MYO6: variants seen among roughly 807,000 people sequenced by gnomAD.
MYO6 encodes myosin VI, also known as unconventional myosin-VI.
Under a neutral mutation model 178.7 loss-of-function variants are expected in MYO6, and 74 were observed. The ratio of observed to expected loss-of-function variants is 0.41; its 90% CI spans 0.34 to 0.50. The LOEUF (loss-of-function observed/expected upper bound fraction) is 0.50, where lower values mean the gene tolerates loss of function less well. MYO6 is among the 20% of genes least tolerant of loss of function. The pLI, the probability that MYO6 is intolerant of heterozygous loss-of-function variation, is 0.09. For synonymous variants in MYO6, 477 were observed against 504.6 expected (o/e 0.95, Z 0.73); for missense variants, 1,330 against 1,547.4 (o/e 0.86, Z 2.36).
chr6:75,797,013 G>A (rs1768915138), intron 1 of MYO6, among the ~76,000 whole-genome samples: 1 of 152,150 alleles, frequency 6.6e-6, no homozygotes, highest in Admixed American at 6.6e-5. Context: ...TTGATTCCAT[G>A]TCTGTTGTGA....
intron 16 of MYO6, 147 bp downstream of exon 16, chr6:75,862,870 TTAGA>T: frequency 3.3e-6 from 3 of 920,020 alleles, no homozygotes; most frequent in Non-Finnish European, 5.1e-6. Flanking sequence ...AGTATCTTCC[TTAGA>T]TGGATGGATA....
At chr6:75,815,213 C>G (rs527238455) in intron 1 of MYO6, among the ~76,000 whole-genome samples, 2 of 152,220 alleles carry the variant, frequency 1.3e-5, no homozygotes, top group African/African-American at 4.8e-5. Flanking sequence ...GGAGGTAAAG[C>G]TGACAACATT....
At chr6:75,899,792 A>T (rs1465118224) in intron 30 of MYO6, among the ~76,000 whole-genome samples, 1 of 150,058 alleles carries the variant, frequency 6.7e-6, no homozygotes, top group East Asian at 2.0e-4. Flanking sequence ...TGTGCAGGTT[A>T]GTTACATATG....
chr6:75,754,247 G>A (rs906343873), intron 1 of MYO6, among the ~76,000 whole-genome samples: 1 of 152,126 alleles, frequency 6.6e-6, no homozygotes, highest in Non-Finnish European at 1.5e-5. Context: ...TGGCTGGGGC[G>A]TGGTGGCTCA....
At chr6:75,791,697 G>A (rs899553802) in intron 1 of MYO6, among the ~76,000 whole-genome samples, 5 of 152,188 alleles carry the variant, frequency 3.3e-5, no homozygotes, top group African/African-American at 1.2e-4. Context: ...TTGAATACTT[G>A]TGAAGCAGAA....
intron 1 of MYO6, among the ~76,000 whole-genome samples, chr6:75,765,951 C>T (rs1040284478): frequency 6.6e-6 from 1 of 152,046 alleles, no homozygotes; most frequent in African/African-American, 2.4e-5. Flanking sequence ...TTGCTTGAGC[C>T]TGGGAGTTTG....
At chr6:75,863,821 A>C (rs1776417609) in intron 16 of MYO6, among the ~76,000 whole-genome samples, 2 of 152,172 alleles carry the variant, frequency 1.3e-5, no homozygotes, top group South Asian at 4.2e-4. Flanking sequence ...TAGGTCGCAG[A>C]GCTGTGCTTG....
chr6:75,779,611 A>G (rs369330687), intron 1 of MYO6, among the ~76,000 whole-genome samples: 2 of 152,298 alleles, frequency 1.3e-5, no homozygotes, highest in East Asian at 3.9e-4. Flanking sequence ...CTTTATTGTA[A>G]TATGTCATTT....
At chr6:75,772,296 A>G (rs893334765) in intron 1 of MYO6, among the ~76,000 whole-genome samples, 9 of 151,986 alleles carry the variant, frequency 5.9e-5, no homozygotes, top group Non-Finnish European at 1.2e-4. Flanking sequence ...AGGCCATTTG[A>G]TCATTGATGT....
In MYO6 at chr6:75,914,909, T is replaced by A. The variant is rs773042864; in HGVS notation, c.3755T>A (p.Ile1252Asn). ...AEILPRQFEE[I>N]WERCGGIQYL... is the part of the protein sequence containing the mutation. ...ATCTTGCCAAGACAGTTTGAAGAAA[T>A]CTGGGAACGCTGTGGAGGCATCCAG... Residue 1252 changes from isoleucine to asparagine, a missense_variant, in exon 35 of 35, where the codon ATC (isoleucine) becomes AAC (asparagine). Physicochemically the swap from Ile to Asn is moderately radical, Grantham distance 149 (BLOSUM62 -3). Coordinates refer to ENST00000369977, the MANE Select transcript of MYO6 (RefSeq NM_004999.4). 80 of 1,613,952 alleles carry A rather than the reference T, an allele frequency of 5.0e-5. No homozygotes were observed. Among genetic ancestry groups the A allele is most frequent in the South Asian group, 8.8e-5 (8 of 91,088 alleles).
chr6:75,754,867 A>G (rs1777216530), intron 1 of MYO6, among the ~76,000 whole-genome samples: 1 of 152,210 alleles, frequency 6.6e-6, no homozygotes, highest in Admixed American at 6.5e-5. Flanking sequence ...TGGTCCTTAA[A>G]ACAACTTGAT....
At chr6:75,852,052 G>T (rs1562247630) in intron 11 of MYO6, among the ~76,000 whole-genome samples, 1 of 151,310 alleles carries the variant, frequency 6.6e-6, no homozygotes, top group Non-Finnish European at 1.5e-5. Flanking sequence ...TTGGAAAGAA[G>T]TGATATGAAA....
intron 1 of MYO6, among the ~76,000 whole-genome samples, chr6:75,782,048 C>A (rs532087630): frequency 1.3e-4 from 19 of 151,106 alleles, no homozygotes; most frequent in Non-Finnish European, 2.7e-4. Flanking sequence ...TAACCTTACT[C>A]TAAATATTAT....
At position 75,836,052 on chromosome 6, in the gene MYO6, G is replaced by T. The variant is rs576127297; in HGVS notation, c.553+96G>T. ...ATGTTCTTCTCTCAGAGATGCAAAA[G>T]ACTCTCTTATCTCCTACTAATCATT... On this transcript the variant is annotated intron_variant, in intron 7 of 34. Coordinates refer to ENST00000369977, the MANE Select transcript of MYO6 (RefSeq NM_004999.4). 1,215 of 836,608 alleles carry T rather than the reference G, an allele frequency of 1.5e-3. 32 individuals are homozygous for T. In the South Asian group the frequency reaches 0.016, roughly 11 times the overall value. 51.8% of individuals were successfully genotyped at this position (836,608 alleles called of 1,614,324 possible).
intron 30 of MYO6, among the ~76,000 whole-genome samples, chr6:75,903,002 G>T (rs2149400369): frequency 6.6e-6 from 1 of 152,074 alleles, no homozygotes; most frequent in South Asian, 2.1e-4. Flanking sequence ...TCATTCAGGA[G>T]CAGGTTGTTC....
chr6:75,772,919 T>C (rs190450816), intron 1 of MYO6, among the ~76,000 whole-genome samples: 1 of 152,322 alleles, frequency 6.6e-6, no homozygotes, highest in Admixed American at 6.5e-5. Context: ...TTCAAATAAT[T>C]GGATTTTTAA....
intron 1 of MYO6, among the ~76,000 whole-genome samples, chr6:75,805,021 A>ATTTTTTTTTTTT (rs58697772): frequency 2.5e-4 from 19 of 77,286 alleles, no homozygotes; most frequent in African/African-American, 1.5e-3. Context: ...ATATATATAT[A>ATTTTTTTTTTTT]TTTTTTTTTT....
At chr6:75,814,246 C>T (rs1770986973) in intron 1 of MYO6, among the ~76,000 whole-genome samples, 1 of 152,164 alleles carries the variant, frequency 6.6e-6, no homozygotes, top group Non-Finnish European at 1.5e-5. Context: ...TAGATTCTCT[C>T]ACCATACCAC....
At chr6:75,821,650 C>A (rs1266610155) in intron 2 of MYO6, among the ~76,000 whole-genome samples, 2 of 152,108 alleles carry the variant, frequency 1.3e-5, no homozygotes, top group Admixed American at 1.3e-4. Flanking sequence ...AACACACACA[C>A]ACACACCCCT....
Sources: gnomAD v4.1 joint callset for allele counts (sites outside exome capture counted in the v4.1 genomes callset) on GRCh38, gnomAD v4.1.1 for gene constraint, MANE v1.5 for transcripts, NCBI Gene and HGNC (gene_info 2026-07-23, HGNC 2026-07-21) for gene names.